Variants in GATA6 observed in about 807,000 individuals in gnomAD.
The protein encoded by GATA6 is transcription factor GATA-6.
Under a neutral mutation model 48.1 loss-of-function variants are expected in GATA6, and 11 were observed. The ratio of observed to expected loss-of-function variants is 0.23; its 90% CI spans 0.14 to 0.38. The LOEUF (loss-of-function observed/expected upper bound fraction) is 0.38. GATA6 is among the 10% of genes least tolerant of loss of function. GATA6 has a pLI of 1.00. For synonymous variants in GATA6, 419 were observed against 396.1 expected (o/e 1.06, Z -0.69); for missense variants, 795 against 850.3 (o/e 0.93, Z 0.81).
At position 22,171,035 on chromosome 18, in the gene GATA6, AG is replaced by A; in HGVS notation, c.-37-71del. ...TGAACTAGAAAAAGGAGTGGAGGCG[AG>A]GTAGCGTGCAGCCTACGCTCTTGTT... On this transcript the variant is annotated intron_variant, in intron 1 of 6. Coordinates refer to ENST00000269216, the MANE Select transcript of GATA6 (RefSeq NM_005257.6). The surrounding 1 kb of genome is among the most constrained non-coding windows in gnomAD (Gnocchi z 7.1). 1 of 867,240 alleles carries A rather than the reference AG, an allele frequency of 1.2e-6. No homozygotes were observed. Among genetic ancestry groups the A allele is most frequent in the Non-Finnish European group, 1.9e-6 (1 of 535,352 alleles). 53.7% of individuals were successfully genotyped at this position (867,240 alleles called of 1,614,324 possible).
At chr18:22,200,504 G>A (rs2033446121) in intron 6 of GATA6, 152 bp from the exon 7 acceptor site, 2 of 940,542 alleles carry the variant, frequency 2.1e-6, no homozygotes, top group Non-Finnish European at 1.7e-6. Flanking sequence ...GGATAGTAAC[G>A]CCGGCTTCAT....
chr18:22,170,283 A>G lies in GATA6; in HGVS notation c.-38+601A>G, dbSNP rs1218916878. On this transcript the variant is annotated intron_variant, in intron 1 of 6. Transcript: ENST00000269216. This position sits in a 1 kb window ranked among gnomAD's most constrained non-coding sequence, Gnocchi z 6.7. ...TCCGGCGTTTCTGCTGCTGGAGATG[A>G]CCGCGGGGTGGGCCGGGTGGCCCGG... 6.6e-6 allele frequency among the ~76,000 whole-genome samples: 1 copy of G among 152,032 alleles called. No individual in the cohort carries two copies. Among genetic ancestry groups the G allele is most frequent in the Non-Finnish European group, 1.5e-5 (1 of 67,996 alleles).
At chr18:22,181,601 T>G in intron 4 of GATA6, 23 bp downstream of exon 4, 1 of 1,613,690 alleles carries the variant, frequency 6.2e-7, no homozygotes, top group Middle Eastern at 1.6e-4. Context: ...TTCTGCTCAC[T>G]TGTATATACA....
intron 6 of GATA6, among the ~76,000 whole-genome samples, chr18:22,197,808 C>CCTGTGTGGGCTGCCTTTGGTTCCTTG (rs2033410083): frequency 1.3e-5 from 2 of 152,186 alleles, no homozygotes; most frequent in African/African-American, 4.8e-5. Context: ...TTCTCATACT[C>CCTGTGTGGGCTGCCTTTGGTTCCTTG]CTGTGTGGGC....
At position 22,171,884 on chromosome 18, in the gene GATA6, C is replaced by G. The variant is rs2033055492; in HGVS notation, c.740C>G (p.Ala247Gly). The change falls in exon 2 of 7, where the codon GCG becomes GGG. Residue 247 changes from alanine (A) to glycine (G), a missense_variant. Physicochemically the swap from Ala to Gly is moderately conservative, Grantham distance 60. Around this residue, in one of 5 missense-constraint regions of GATA6, gnomAD observed 591 missense variants for 570.0 expected, o/e 1.04. Transcript: ENST00000269216. This position sits in a 1 kb window ranked among gnomAD's most constrained non-coding sequence, Gnocchi z 7.1. ...GGCGGCGCGGCTGGCGGCGGGGCCG[C>G]GGGGCCTGGCGGCGCTGGCTCAGCC... The part of the protein sequence containing the change: ...SGGGAAGGGA[A>G]GPGGAGSAAA... The G allele has an allele frequency of 8.7e-7, 1 of 1,149,560 alleles. No homozygotes were observed. The highest frequency in any genetic ancestry group is 1.1e-6 in the Non-Finnish European group (1 of 936,216). 71.2% of individuals were successfully genotyped at this position (1,149,560 alleles called of 1,614,324 possible).
intron 6 of GATA6, among the ~76,000 whole-genome samples, chr18:22,195,011 C>T (rs368579016): frequency 1.3e-5 from 2 of 151,998 alleles, no homozygotes; most frequent in East Asian, 3.9e-4. Context: ...ACTAAAAATA[C>T]AAAAATTAGC....
At chr18:22,198,149 A>G (rs1384028095) in intron 6 of GATA6, among the ~76,000 whole-genome samples, 1 of 151,100 alleles carries the variant, frequency 6.6e-6, no homozygotes, top group African/African-American at 2.4e-5. Context: ...CAGTGATGCA[A>G]TCGTAGCTCA....
At chr18:22,192,876 TTC>T (rs2033344759) in intron 6 of GATA6, among the ~76,000 whole-genome samples, 2 of 152,222 alleles carry the variant, frequency 1.3e-5, no homozygotes, top group African/African-American at 4.8e-5. Context: ...TTTGGCGCCT[TTC>T]TTCACCACAA....
At chr18:22,197,828 T>TTCCTTGCCCAGGAG (rs1933464650) in intron 6 of GATA6, among the ~76,000 whole-genome samples, 2 of 152,160 alleles carry the variant, frequency 1.3e-5, no homozygotes, top group Non-Finnish European at 2.9e-5. Flanking sequence ...CTGCCTTTGG[T>TTCCTTGCCCAGGAG]TCCTTGCCCA....
rs149328733 is a variant in GATA6 at position 22,172,383 on chromosome 18, G to A, written c.1135+104G>A. ...CGGGCCCTGTTTTCAGGACTTTCTCGTCCGGGTGCGCGGAGGTCGGCCTGG... is the reference window on the plus strand; with the variant it reads ...CGGGCCCTGTTTTCAGGACTTTCTCATCCGGGTGCGCGGAGGTCGGCCTGG... On this transcript the variant is annotated intron_variant, in intron 2 of 6. Coordinates refer to ENST00000269216, the MANE Select transcript of GATA6 (RefSeq NM_005257.6). This position sits in a 1 kb window ranked among gnomAD's most constrained non-coding sequence, Gnocchi z 5.2. 3,365 of 1,461,858 alleles carry A rather than the reference G, an allele frequency of 2.3e-3. 75 individuals are homozygous for A. In the African/African-American group the frequency reaches 0.044, roughly 19 times the overall value. The allele number at this position is 1,461,858 out of a possible 1,614,324, so 90.6% of individuals were successfully genotyped here.
In GATA6 at chr18:22,171,969, C is replaced by G. The variant is rs1283923292; in HGVS notation, c.825C>G (p.Ala275=). 5.8e-6 allele frequency: 7 copies of G among 1,209,184 alleles called. No individual in the cohort carries two copies. In the Admixed American group the frequency reaches 2.6e-4, roughly 46 times the overall value. The allele number at this position is 1,209,184 out of a possible 1,614,324, so 74.9% of individuals were successfully genotyped here. Residue 275 remains alanine, a synonymous_variant, in exon 2 of 7, where the codon GCC becomes GCG. Transcript: ENST00000269216. This position sits in a 1 kb window ranked among gnomAD's most constrained non-coding sequence, Gnocchi z 7.1. ...YSPSPPMANG[A]AREPGGYAAA... ...CCAGCCCGCCCATGGCCAACGGCGC[C>G]GCGCGGGAGCCGGGAGGCTACGCGG...
intron 6 of GATA6, among the ~76,000 whole-genome samples, chr18:22,196,447 GAGTC>G (rs1467513572): frequency 3.9e-5 from 6 of 152,282 alleles, no homozygotes; most frequent in Non-Finnish European, 7.4e-5. Flanking sequence ...TGTTGAAAAA[GAGTC>G]AGTGAGTCAC....
chr18:22,181,789 T>C (rs2033199479), intron 4 of GATA6, among the ~76,000 whole-genome samples: 1 of 152,222 alleles, frequency 6.6e-6, no homozygotes, highest in Admixed American at 6.5e-5. Flanking sequence ...AATATTACCT[T>C]ATGCACCAGT....
At chr18:22,200,014 A>T (rs1396968906) in intron 6 of GATA6, among the ~76,000 whole-genome samples, 1 of 152,132 alleles carries the variant, frequency 6.6e-6, no homozygotes, top group Non-Finnish European at 1.5e-5. Flanking sequence ...TGTTCTTGTA[A>T]AGAATTAAGG....
chr18:22,172,104 C>A lies in GATA6; in HGVS notation c.960C>A (p.Asn320Lys). ...CGCTGTCGGCCGCGCGGCCGCTGAA[C>A]GGGACGTACCACCACCACCACCACC... ...YSSLSAARPL[N>K]GTYHHHHHHH... The change falls in exon 2 of 7, where the codon AAC becomes AAA. Residue 320 changes from asparagine to lysine, a missense_variant. Asn to Lys is a moderately conservative substitution (Grantham distance 94). This residue lies in a region of GATA6 where 591 missense variants were observed against 570.0 expected (regional missense o/e 1.04). Transcript: ENST00000269216. The surrounding 1 kb of genome is among the most constrained non-coding windows in gnomAD (Gnocchi z 5.2). 1 of 1,491,574 alleles carries A rather than the reference C, an allele frequency of 6.7e-7. No individual in the cohort carries two copies. Among genetic ancestry groups the A allele is most frequent in the Non-Finnish European group, 8.9e-7 (1 of 1,125,934 alleles). The allele number at this position is 1,491,574 out of a possible 1,614,324, so 92.4% of individuals were successfully genotyped here. A position where few individuals can be genotyped will look rare whatever the true frequency, so the allele number is the denominator to read the frequency against.
In GATA6 at chr18:22,182,285, G is replaced by A. The variant is rs1310383647; in HGVS notation, c.1429-472G>A. Among the ~76,000 whole-genome samples, 8 of 151,660 alleles carry A rather than the reference G, an allele frequency of 5.3e-5. No homozygotes were observed. The East Asian group carries it at 1.5e-3, about 29-fold the overall frequency. Reference sequence around the variant, plus strand: ...AATCTCTGCATTTGATGAGGAAAGTGTAGTCTTTGTGCACTTGGGATCTTG... The same window carrying A: ...AATCTCTGCATTTGATGAGGAAAGTATAGTCTTTGTGCACTTGGGATCTTG... On this transcript the variant is annotated intron_variant, in intron 4 of 6. Coordinates refer to ENST00000269216, the MANE Select transcript of GATA6 (RefSeq NM_005257.6).
intron 3 of GATA6, 45 bp downstream of exon 3, chr18:22,177,166 C>T (rs905109975): frequency 4.0e-6 from 6 of 1,508,978 alleles, no homozygotes; most frequent in African/African-American, 1.4e-5. Context: ...CGGCCCCGGG[C>T]TCTCCTGGCC....
At chr18:22,191,984 A>G (rs1274072076) in intron 6 of GATA6, among the ~76,000 whole-genome samples, 1 of 152,242 alleles carries the variant, frequency 6.6e-6, no homozygotes, top group Non-Finnish European at 1.5e-5. Flanking sequence ...GCTGGGCCAC[A>G]TGCTGCAGAA....
intron 6 of GATA6, among the ~76,000 whole-genome samples, chr18:22,200,195 G>GTGCGCGCGCACGCA (rs2033441296): frequency 6.6e-6 from 1 of 152,010 alleles, no homozygotes; most frequent in South Asian, 2.1e-4. Flanking sequence ...GTGTGTGTGT[G>GTGCGCGCGCACGCA]TGTGTGCGCG....
Sources: gnomAD v4.1 joint callset for allele counts (sites outside exome capture counted in the v4.1 genomes callset) on GRCh38, gnomAD v4.1.1 for gene constraint, gnomAD v4.1.1 regional missense constraint, Gnocchi (gnomAD v3.1) non-coding constraint, MANE v1.5 for transcripts, NCBI Gene and HGNC (gene_info 2026-07-23, HGNC 2026-07-21) for gene names.